FRS2: variants seen among roughly 807,000 people sequenced by gnomAD.
FRS2 encodes FGFR signalling adaptor.
A neutral mutation model predicts 43.9 loss-of-function variants in FRS2; 8 were observed. The ratio of observed to expected loss-of-function variants is 0.18; its 90% CI spans 0.11 to 0.33. The LOEUF (loss-of-function observed/expected upper bound fraction) is 0.33, where lower values mean the gene tolerates loss of function less well. FRS2 is among the 10% of genes least tolerant of loss of function. The pLI, the probability that FRS2 is intolerant of heterozygous loss-of-function variation, is 1.00. For synonymous variants in FRS2, 219 were observed against 220.3 expected, an observed-to-expected ratio of 0.99 and a Z score of 0.05; for missense variants, 534 against 627.6, an observed-to-expected ratio of 0.85 and a Z score of 1.59.
At chr12:69,496,192 T>C (rs1026446712) in intron 1 of FRS2, among the ~76,000 whole-genome samples, 15 of 152,112 alleles carry the variant, frequency 9.9e-5, no homozygotes, top group Non-Finnish European at 2.1e-4. Context: ...ATCCCAGCAC[T>C]GTGGGAGGCC....
In FRS2 at chr12:69,503,690, C is replaced by T. The variant is rs542934161; in HGVS notation, c.-260-27175C>T. 2.0e-5 allele frequency among the ~76,000 whole-genome samples: 3 copies of T among 152,214 alleles called. No homozygotes were observed. The East Asian group carries it at 5.8e-4, about 29-fold the overall frequency. ...TTTGGGCAGTAGTTGGTAGGAACTGCTGAAGTTGTGAAATAGTGTCTTTGC... is the reference window on the plus strand; with the variant it reads ...TTTGGGCAGTAGTTGGTAGGAACTGTTGAAGTTGTGAAATAGTGTCTTTGC... On this transcript the variant is annotated intron_variant, in intron 1 of 8. Transcript: ENST00000549921.
intron 3 of FRS2, among the ~76,000 whole-genome samples, chr12:69,542,167 G>A (rs1436719215): frequency 6.6e-6 from 1 of 152,114 alleles, no homozygotes; most frequent in African/African-American, 2.4e-5. Context: ...GACATACTTA[G>A]TATAACAAAC....
At position 69,574,821 on chromosome 12, in the gene FRS2, A is replaced by G. The variant is rs1405113717; in HGVS notation, c.1393A>G (p.Thr465Ala). ...TPTTPLPQTP[T>A]RRTELYAVID... The stretch of plus-strand genomic sequence containing the variant: ...TACAACTCCCCTTCCACAAACCCCT[A>G]CCAGGCGCACAGAGCTGTATGCCGT... The change falls in exon 9 of 9, where the codon ACC becomes GCC. Residue 465 changes from threonine to alanine, a missense_variant. Around this residue, in one of 3 missense-constraint regions of FRS2, gnomAD observed 446 missense variants for 494.2 expected, o/e 0.90. Transcript: ENST00000549921. 3.1e-6 allele frequency: 5 copies of G among 1,614,086 alleles called. No homozygotes were observed. Among genetic ancestry groups the G allele is most frequent in the East Asian group, 4.5e-5 (2 of 44,874 alleles).
chr12:69,507,421 G>A (rs1173703871), intron 1 of FRS2, among the ~76,000 whole-genome samples: 1 of 152,020 alleles, frequency 6.6e-6, no homozygotes, highest in Non-Finnish European at 1.5e-5. Context: ...TATAATACTT[G>A]TTTAATTGTT....
At chr12:69,551,846 T>C (rs992138983) in intron 3 of FRS2, among the ~76,000 whole-genome samples, 5 of 152,178 alleles carry the variant, frequency 3.3e-5, no homozygotes, top group Non-Finnish European at 2.9e-5. Flanking sequence ...TTATTTGTAA[T>C]GTGTTGATAG....
intron 1 of FRS2, among the ~76,000 whole-genome samples, chr12:69,511,687 C>T (rs1170469031): frequency 1.3e-5 from 2 of 152,034 alleles, no homozygotes; most frequent in African/African-American, 2.4e-5. Context: ...TGCTCATATC[C>T]GTGTTAGGGC....
At position 69,575,002 on chromosome 12, in the gene FRS2, A is replaced by C; in HGVS notation, c.*47A>C. Reference sequence around the variant, plus strand: ...TTGCACCTTTGTGAAGTTTTTAAAAATGAAGATGCAAGTGCTTCATTTTCA... The same window carrying C: ...TTGCACCTTTGTGAAGTTTTTAAAACTGAAGATGCAAGTGCTTCATTTTCA... On this transcript the variant is annotated 3_prime_UTR_variant, in exon 9 of 9. Transcript: ENST00000549921. 1 of 1,240,036 alleles carries C rather than the reference A, an allele frequency of 8.1e-7. No individual in the cohort carries two copies. Among genetic ancestry groups the C allele is most frequent in the Non-Finnish European group, 1.2e-6 (1 of 862,384 alleles). 76.8% of individuals were successfully genotyped at this position (1,240,036 alleles called of 1,614,324 possible). A position where few individuals can be genotyped will look rare whatever the true frequency, so the allele number is the denominator to read the frequency against.
chr12:69,526,299 A>G (rs947424405), intron 1 of FRS2, among the ~76,000 whole-genome samples: 2 of 152,242 alleles, frequency 1.3e-5, no homozygotes, highest in African/African-American at 4.8e-5. Context: ...TTAGGACATT[A>G]GTATAATAAG....
At chr12:69,484,089 T>TA (rs1871597725) in intron 1 of FRS2, among the ~76,000 whole-genome samples, 1 of 150,570 alleles carries the variant, frequency 6.6e-6, no homozygotes, top group African/African-American at 2.4e-5. Context: ...GGAAAAGCTT[T>TA]TCTTTCTTTT....
In FRS2 at chr12:69,574,680, A is replaced by G. The variant is rs764475417; in HGVS notation, c.1252A>G (p.Thr418Ala). ...TTCAAGGCGTCGGGACTGTACACCA[A>G]CAGTCTTTAACTTTGATATCAGACG... ...EYSRRRDCTP[T>A]VFNFDIRRPS... Residue 418 changes from threonine (T) to alanine (A), a missense_variant, in exon 9 of 9, where the codon ACA becomes GCA. This residue lies in a region of FRS2 where 446 missense variants were observed against 494.2 expected (regional missense o/e 0.90). Coordinates refer to ENST00000549921, the MANE Select transcript of FRS2 (RefSeq NM_001278356.2). 5.6e-6 allele frequency: 9 copies of G among 1,614,198 alleles called. No homozygotes were observed. The highest frequency in any genetic ancestry group is 4.5e-5 in the East Asian group (2 of 44,884).
At position 69,485,352 on chromosome 12, in the gene FRS2, T is replaced by C. The variant is rs374475455; in HGVS notation, c.-261+14822T>C. 9.3e-5 allele frequency among the ~76,000 whole-genome samples: 14 copies of C among 151,326 alleles called. No individual in the cohort carries two copies. The East Asian group carries it at 2.0e-3, about 21-fold the overall frequency. On this transcript the variant is annotated intron_variant, in intron 1 of 8. Transcript: ENST00000549921. Reference sequence around the variant, plus strand: ...CGCCCGACACCACGCCTGGCTAATTTTTTGTATTTTTGGTAGAGACGGGGT... The same window carrying C: ...CGCCCGACACCACGCCTGGCTAATTCTTTGTATTTTTGGTAGAGACGGGGT...
Position 69,574,408 on chromosome 12 carries a change from C to G in FRS2, c.980C>G (p.Ser327Cys). The G allele has an allele frequency of 6.2e-7, 1 of 1,613,826 alleles. No individual in the cohort carries two copies. Among genetic ancestry groups the G allele is most frequent in the South Asian group, 1.1e-5 (1 of 91,080 alleles). Residue 327 changes from serine to cysteine, a missense_variant, in exon 9 of 9, where the codon TCC becomes TGC. This residue lies in a region of FRS2 where 446 missense variants were observed against 494.2 expected (regional missense o/e 0.90). Coordinates refer to ENST00000549921, the MANE Select transcript of FRS2 (RefSeq NM_001278356.2). ...ASGVRRGRLT[S>C]TSTSDTQNIN... ...GGGGTCAGGAGAGGTCGTCTGACAT[C>G]CACCAGTACCTCAGATACCCAGAAT...
At chr12:69,514,929 C>G (rs1874841244) in intron 1 of FRS2, among the ~76,000 whole-genome samples, 1 of 151,926 alleles carries the variant, frequency 6.6e-6, no homozygotes, top group Non-Finnish European at 1.5e-5. Flanking sequence ...TTCAAGCAGA[C>G]AAAAAGAATA....
At position 69,574,195 on chromosome 12, in the gene FRS2, C is replaced by T. The variant is rs1461975272; in HGVS notation, c.767C>T (p.Thr256Ile). ...GGAGTCAAATTTGTTTTAGGGCCAACCCCTGTTCAAAAGCAGTTAATGGAA... is the reference window on the plus strand; with the variant it reads ...GGAGTCAAATTTGTTTTAGGGCCAATCCCTGTTCAAAAGCAGTTAATGGAA... ...PEGVKFVLGPTPVQKQLMEKE... is the reference protein window; with the variant it reads ...PEGVKFVLGPIPVQKQLMEKE... Residue 256 changes from threonine to isoleucine, a missense_variant, in exon 9 of 9, where the codon ACC becomes ATC. By Grantham distance (89) the Thr-to-Ile change is moderately conservative. Coordinates refer to ENST00000549921, the MANE Select transcript of FRS2 (RefSeq NM_001278356.2). The T allele has an allele frequency of 6.2e-7, 1 of 1,614,088 alleles. No homozygotes were observed. The highest frequency in any genetic ancestry group is 1.1e-5 in the South Asian group (1 of 91,082).
At chr12:69,540,894 C>T (rs1877841510) in intron 3 of FRS2, among the ~76,000 whole-genome samples, 1 of 152,052 alleles carries the variant, frequency 6.6e-6, no homozygotes, top group Admixed American at 6.6e-5. Context: ...TCCCATACTC[C>T]CAGTCTAATT....
chr12:69,479,390 C>CTTTTTTTTTTTTTTTTTTT (rs57688271), intron 1 of FRS2, among the ~76,000 whole-genome samples: 5 of 119,698 alleles, frequency 4.2e-5, no homozygotes, highest in Non-Finnish European at 8.5e-5. Flanking sequence ...TCTGTTGTTT[C>CTTTTTTTTTTTTTTTTTTT]TTTTTTTTTT....
At chr12:69,533,770 A>T (rs527420151) in intron 3 of FRS2, among the ~76,000 whole-genome samples, 3 of 152,270 alleles carry the variant, frequency 2.0e-5, no homozygotes, top group Admixed American at 2.0e-4. Flanking sequence ...TTTTCAGAAT[A>T]TAGTAATCCC....
At chr12:69,523,093 T>C (rs1490505965) in intron 1 of FRS2, among the ~76,000 whole-genome samples, 2 of 152,166 alleles carry the variant, frequency 1.3e-5, no homozygotes, top group African/African-American at 4.8e-5. Flanking sequence ...TTATATCGGG[T>C]TCATTTGGTC....
intron 1 of FRS2, among the ~76,000 whole-genome samples, chr12:69,528,543 A>G (rs995027883): frequency 2.0e-5 from 3 of 152,246 alleles, no homozygotes; most frequent in African/African-American, 7.2e-5. Context: ...AAAACAAAAC[A>G]ACAGTTTAAG....
Sources: allele counts gnomAD v4.1 joint callset (sites outside exome capture counted in the v4.1 genomes callset), GRCh38; gene constraint gnomAD v4.1.1; regional missense constraint gnomAD v4.1.1; transcripts MANE v1.5; gene names NCBI Gene and HGNC (gene_info 2026-07-23, HGNC 2026-07-21).